The following MPO variants were observed in gnomAD, a reference collection of about 807,000 sequenced individuals.
MPO encodes myeloperoxidase.
In MPO, 57 loss-of-function variants were observed where a neutral mutation model predicts 69.4. That is an observed-to-expected ratio of 0.82 (90% CI 0.66 to 1.02). MPO has a LOEUF of 1.02. Ranked by LOEUF, MPO falls within the 50% of genes least tolerant of loss-of-function variation. MPO has a pLI of 0.00. For missense variants in MPO, 971 were observed against 1,014.1 expected (o/e 0.96, Z 0.58); for synonymous variants, 426 against 417.1 (o/e 1.02, Z -0.26).
rs773365821 is a variant in MPO at position 58,279,969 on chromosome 17, G to A, written c.294C>T (p.Leu98=). 1 of 1,613,696 alleles carries A rather than the reference G, an allele frequency of 6.2e-7. No homozygotes were observed. Among genetic ancestry groups the A allele is most frequent in the South Asian group, 1.1e-5 (1 of 91,076 alleles). The change falls in exon 3 of 12, where the codon CTC becomes CTT. Residue 98 remains leucine, a synonymous_variant. Coordinates refer to ENST00000225275, the MANE Select transcript of MPO (RefSeq NM_000250.2). ...LRSGSASPME[L]LSYFKQPVAA... is the part of the protein sequence containing the mutation. ...CCACCGGCTGCTTGAAGTAGGATAG[G>A]AGTTCCATGGGGCTGGCTGAGCCGC... is the stretch of plus-strand genomic sequence containing the variant.
At position 58,275,561 on chromosome 17, in the gene MPO, A is replaced by G; in HGVS notation, c.1346T>C (p.Ile449Thr). 7.4e-6 allele frequency: 12 copies of G among 1,613,958 alleles called. No individual in the cohort carries two copies. Among genetic ancestry groups the G allele is most frequent in the Non-Finnish European group, 1.0e-5 (12 of 1,179,974 alleles). ...GCCTACCTGGACCATGGCCCCCACG[A>G]TCTTCCGGGCTTCCTGGTAGAGCCT... ...GERLYQEARK[I>T]VGAMVQIITY... The change falls in exon 8 of 12, where the codon ATC (isoleucine) becomes ACC (threonine). Residue 449 changes from isoleucine to threonine, a missense_variant. Physicochemically the swap from Ile to Thr is moderately conservative, Grantham distance 89. Coordinates refer to ENST00000225275, the MANE Select transcript of MPO (RefSeq NM_000250.2). The surrounding 1 kb of genome is among the most constrained non-coding windows in gnomAD (Gnocchi z 4.1).
chr17:58,274,989 C>G (rs1050200532), intron 8 of MPO, among the ~76,000 whole-genome samples: 6 of 151,834 alleles, frequency 4.0e-5, no homozygotes, highest in African/African-American at 1.4e-4. Flanking sequence ...CTCAGCCTCC[C>G]AAGTAGCTGG....
At chr17:58,280,270 T>A in intron 2 of MPO, 96 bp downstream of exon 2, 1 of 1,276,232 alleles carries the variant, frequency 7.8e-7, no homozygotes, top group Non-Finnish European at 1.1e-6. Context: ...GTCCCCATAG[T>A]CCCCCTCTCC....
rs745458498 is a variant in MPO, at chr17:58,280,032, G to A, written c.249-18C>T. 14 of 1,611,440 alleles carry A rather than the reference G, an allele frequency of 8.7e-6. No homozygotes were observed. The highest frequency in any genetic ancestry group is 1.2e-5 in the Non-Finnish European group (14 of 1,180,012). ...GCTTGATGCTGCTTGGAGAAAGGAG[G>A]AGTGAGGGCCAGAGAAGGGATACAG... is the stretch of plus-strand genomic sequence containing the variant. On this transcript the variant is annotated intron_variant, in intron 2 of 11. Coordinates refer to ENST00000225275, the MANE Select transcript of MPO (RefSeq NM_000250.2).
chr17:58,271,479 C>T (rs1048529630), intron 11 of MPO, among the ~76,000 whole-genome samples, 176 bp downstream of exon 11: 2 of 152,186 alleles, frequency 1.3e-5, no homozygotes, highest in Non-Finnish European at 2.9e-5. Context: ...GCTGCACCCC[C>T]AACAGGTTCA....
Position 58,279,330 on chromosome 17 carries a change from G to T in MPO, c.645C>A (p.Pro215=). The T allele has an allele frequency of 6.4e-7, 1 of 1,573,372 alleles. No individual in the cohort carries two copies. Among genetic ancestry groups the T allele is most frequent in the East Asian group, 2.3e-5 (1 of 42,792 alleles). The part of the protein sequence containing the change: ...DGFSLPYGWT[P]GVKRNGFPVA... ...CCGGGAAGCCGTTGCGCTTGACCCC[G>T]GGCGTCCAGCCGTAGGGAAGAGAGA... Residue 215 remains proline, a synonymous_variant, in exon 5 of 12, where the codon CCC becomes CCA. Coordinates refer to ENST00000225275, the MANE Select transcript of MPO (RefSeq NM_000250.2).
intron 10 of MPO, among the ~76,000 whole-genome samples, chr17:58,272,340 G>A (rs1342167082): frequency 1.3e-5 from 2 of 152,314 alleles, no homozygotes; most frequent in South Asian, 4.1e-4. Flanking sequence ...TTTCAGCTTT[G>A]CCACTGACTT....
In MPO at chr17:58,279,209, G is replaced by T. The variant is rs140406162; in HGVS notation, c.684C>A (p.Arg228=). The T allele has an allele frequency of 2.8e-4, 443 of 1,600,504 alleles. No homozygotes were observed. The highest frequency in any genetic ancestry group is 3.7e-4 in the Non-Finnish European group (433 of 1,173,946). Residue 228 remains arginine, a synonymous_variant, in exon 6 of 12, where the codon CGC becomes CGA. Transcript: ENST00000225275. ...AGCGCACGATCTCGTTGGAGACCGC[G>T]CGAGCCTGCGGGACACGGAGATCAG... ...KRNGFPVALA[R]AVSNEIVRFP...
Position 58,270,283 on chromosome 17 carries a change from T to C in MPO, c.*373A>G, listed in dbSNP as rs1213379651. On this transcript the variant is annotated 3_prime_UTR_variant, in exon 12 of 12. Transcript: ENST00000225275. The surrounding 1 kb of genome is among the most constrained non-coding windows in gnomAD (Gnocchi z 4.1). ...CTCTTGTTTAAGGAGGGTAATTTGCTCAAGGTCACATAGCTAGCAAGCCAC... is the reference window on the plus strand; with the variant it reads ...CTCTTGTTTAAGGAGGGTAATTTGCCCAAGGTCACATAGCTAGCAAGCCAC... 1.2e-5 allele frequency: 4 copies of C among 339,556 alleles called. No individual in the cohort carries two copies. The highest frequency in any genetic ancestry group is 2.3e-5 in the Non-Finnish European group (4 of 174,628). The allele number at this position is 339,556 out of a possible 1,614,324, so 21.0% of individuals were successfully genotyped here.
chr17:58,271,861 GA>G lies in MPO; in HGVS notation c.1823del (p.Leu608ProfsTer14), dbSNP rs1384534784. The G allele has an allele frequency of 2.5e-6, 4 of 1,614,144 alleles. No individual in the cohort carries two copies. Among genetic ancestry groups the G allele is most frequent in the Non-Finnish European group, 3.4e-6 (4 of 1,180,034 alleles). On this transcript the variant is annotated frameshift_variant, in exon 11 of 12. Coordinates refer to ENST00000225275, the MANE Select transcript of MPO (RefSeq NM_000250.2). LOFTEE classifies it high-confidence loss of function. ...GYNAWRRFCGLPQPETVGQLG... is the reference protein window; with the variant it reads ...GYNAWRRFCGXPQPETVGQLG... ...GCTGGCCCACAGTTTCAGGCTGCGG[GA>G]GCCCACAGAAGCGCCTCCAGGCATT...
At chr17:58,273,047 T>C in intron 9 of MPO, 129 bp from the exon 10 acceptor site, 3 of 1,200,546 alleles carry the variant, frequency 2.5e-6, no homozygotes, top group Non-Finnish European at 3.6e-6. Flanking sequence ...CAGTGCCTGG[T>C]GCCAAGGTGG....
Position 58,271,673 on chromosome 17 carries a change from T to C in MPO, c.2012A>G (p.Lys671Arg), listed in dbSNP as rs749379138. Residue 671 changes from lysine (K) to arginine (R), a missense_variant, in exon 11 of 12, where the codon AAG (lysine) becomes AGG (arginine). Transcript: ENST00000225275. Reference protein sequence around the residue: ...LACIIGTQFRKLRDGDRFWWE... With the variant: ...LACIIGTQFRRLRDGDRFWWE... ...TCCTCACCGATCACCATCCCGGAGC[T>C]TCCTGAACTGGGTACCGATGATGCA... 19 of 1,613,780 alleles carry C rather than the reference T, an allele frequency of 1.2e-5. No homozygotes were observed. Among genetic ancestry groups the C allele is most frequent in the Non-Finnish European group, 1.5e-5 (18 of 1,180,026 alleles).
intron 6 of MPO, 152 bp downstream of exon 6, chr17:58,278,856 T>C (rs1970473484): frequency 5.2e-6 from 5 of 961,466 alleles, no homozygotes; most frequent in Non-Finnish European, 7.9e-6. Context: ...AGACAGGTCA[T>C]AGCTGAGCAG....
intron 6 of MPO, chr17:58,278,719 C>G (rs1267863683): frequency 1.8e-6 from 1 of 545,256 alleles, no homozygotes; most frequent in Non-Finnish European, 3.3e-6. Flanking sequence ...TAACAAAGAG[C>G]CAGTGATTCC....
At chr17:58,273,772 G>C (rs1249571729) in intron 8 of MPO, 103 bp from the exon 9 acceptor site, 1 of 1,552,482 alleles carries the variant, frequency 6.4e-7, no homozygotes, top group African/African-American at 1.4e-5. Context: ...CTTGGCTTCG[G>C]GGACCCCTTC....
At chr17:58,280,132 C>T (rs1970497791) in intron 2 of MPO, 118 bp from the exon 3 acceptor site, 1 of 1,362,608 alleles carries the variant, frequency 7.3e-7, no homozygotes, top group East Asian at 2.3e-5. Context: ...GGGAGGAAGG[C>T]TTCCTTTTAT....
intron 7 of MPO, among the ~76,000 whole-genome samples, chr17:58,276,370 G>A (rs1246738282): frequency 6.6e-6 from 1 of 152,220 alleles, no homozygotes; most frequent in East Asian, 1.9e-4. Flanking sequence ...GCTAGGACAT[G>A]AGATATGTGG....
chr17:58,280,557 A>G (rs1359342228), intron 1 of MPO, 48 bp downstream of exon 1: 2 of 1,614,118 alleles, frequency 1.2e-6, no homozygotes, highest in Admixed American at 3.3e-5. Flanking sequence ...GGTCTCTGGA[A>G]CACAACCACC....
chr17:58,272,941 C>A, intron 9 of MPO, 23 bp from the exon 10 acceptor site: 2 of 1,613,442 alleles, frequency 1.2e-6, no homozygotes, highest in South Asian at 2.2e-5. Context: ...GGAGCCAGGT[C>A]AGGGGAAGTA....
Sources: gnomAD v4.1 joint callset for allele counts (sites outside exome capture counted in the v4.1 genomes callset) on GRCh38, gnomAD v4.1.1 for gene constraint, Gnocchi (gnomAD v3.1) non-coding constraint, MANE v1.5 for transcripts, NCBI Gene and HGNC (gene_info 2026-07-23, HGNC 2026-07-21) for gene names.